Variants in CDR2L observed in about 807,000 individuals in gnomAD.
CDR2L encodes the protein cerebellar degeneration related protein 2 like.
In CDR2L, 19 loss-of-function variants were observed where a neutral mutation model predicts 36.1. The observed-to-expected ratio is 0.53, with a 90% confidence interval of 0.37 to 0.77. The LOEUF is 0.77. CDR2L is among the 30% of genes least tolerant of loss of function. The pLI, the probability that CDR2L is intolerant of heterozygous loss-of-function variation, is 0.00. For missense variants in CDR2L, 575 were observed against 627.2 expected, an observed-to-expected ratio of 0.92 and a Z score of 0.89; for synonymous variants, 285 against 280.4, an observed-to-expected ratio of 1.02 and a Z score of -0.16.
Position 75,004,340 on chromosome 17 carries a change from C to A in CDR2L, c.*266C>A. On this transcript the variant is annotated 3_prime_UTR_variant, in exon 5 of 5. Transcript: ENST00000337231. Reference sequence around the variant, plus strand: ...TGTCCCCACTACCCCAGGGATCCCCCAGCTCCCCCAGCCCCTGGCTTCCTG... The same window carrying A: ...TGTCCCCACTACCCCAGGGATCCCCAAGCTCCCCCAGCCCCTGGCTTCCTG... 2.5e-6 allele frequency: 1 copy of A among 398,776 alleles called. No individual in the cohort carries two copies. 24.7% of individuals were successfully genotyped at this position (398,776 alleles called of 1,614,324 possible). A position where few individuals can be genotyped will look rare whatever the true frequency, so the allele number is the denominator to read the frequency against.
rs1200606614 is a variant in CDR2L at position 75,004,117 on chromosome 17, G to C, written c.*43G>C. On this transcript the variant is annotated 3_prime_UTR_variant, in exon 5 of 5. Coordinates refer to ENST00000337231, the MANE Select transcript of CDR2L (RefSeq NM_014603.3). Reference sequence around the variant, plus strand: ...GCCTCCCCCAGGGTGGAAGCCGTGGGGTCCCTCAGGCCTGGGCGGTGCAGC... The same window carrying C: ...GCCTCCCCCAGGGTGGAAGCCGTGGCGTCCCTCAGGCCTGGGCGGTGCAGC... The C allele has an allele frequency of 6.5e-7, 1 of 1,537,604 alleles. No individual in the cohort carries two copies. Among genetic ancestry groups the C allele is most frequent in the Non-Finnish European group, 8.8e-7 (1 of 1,138,036 alleles).
At chr17:74,992,206 T>G (rs1001063986) in intron 1 of CDR2L, among the ~76,000 whole-genome samples, 5 of 152,148 alleles carry the variant, frequency 3.3e-5, no homozygotes, top group Non-Finnish European at 7.4e-5. Flanking sequence ...GATTTCTAAG[T>G]TTCTTTTCAA....
Position 75,002,055 on chromosome 17 carries a change from C to T in CDR2L, c.342-9C>T, listed in dbSNP as rs189139074. 255 of 1,566,050 alleles carry T rather than the reference C, an allele frequency of 1.6e-4. No individual in the cohort carries two copies. The African/African-American group carries it at 1.8e-3, about 11-fold the overall frequency. On this transcript the variant is annotated splice_polypyrimidine_tract_variant and intron_variant, in intron 3 of 4. Transcript: ENST00000337231. This position sits in a 1 kb window ranked among gnomAD's most constrained non-coding sequence, Gnocchi z 4.1. ...TAAAGTCCCTGTGTGTCCACCACCC[C>T]GCCCCCAGGCTGACGGAGACCATTG... is the stretch of plus-strand genomic sequence containing the variant.
At chr17:74,991,399 C>CT (rs2039795729) in intron 1 of CDR2L, among the ~76,000 whole-genome samples, 1 of 113,756 alleles carries the variant, frequency 8.8e-6, no homozygotes, top group African/African-American at 3.8e-5. Context: ...AGAGCAAACT[C>CT]TGTCTTTAAA....
At chr17:74,993,147 G>C (rs2039806480) in intron 1 of CDR2L, among the ~76,000 whole-genome samples, 1 of 152,156 alleles carries the variant, frequency 6.6e-6, no homozygotes, top group Non-Finnish European at 1.5e-5. Context: ...TTCAGGATGA[G>C]CTAAATTTGA....
intron 3 of CDR2L, 48 bp downstream of exon 3, chr17:75,001,537 G>T (rs1049093037): frequency 6.9e-7 from 1 of 1,455,694 alleles, no homozygotes; most frequent in East Asian, 2.5e-5. Flanking sequence ...AGAGCCCCAG[G>T]GCTGAGTGTA....
In CDR2L at chr17:75,002,878, A is replaced by G. The variant is rs58256759; in HGVS notation, c.507-305A>G. Among the ~76,000 whole-genome samples the G allele has an allele frequency of 9.7e-4, 147 of 152,194 alleles. 1 individual carries two copies. The East Asian group carries it at 0.023, about 24-fold the overall frequency. On this transcript the variant is annotated intron_variant, in intron 4 of 4. Coordinates refer to ENST00000337231, the MANE Select transcript of CDR2L (RefSeq NM_014603.3). The surrounding 1 kb of genome is among the most constrained non-coding windows in gnomAD (Gnocchi z 4.1). ...GTCACCATTAACCATGGAGAGCCCA[A>G]AGAAGACACACCCCACGGCCTCTGC... is the stretch of plus-strand genomic sequence containing the variant.
chr17:74,987,793 A>C lies in CDR2L; in HGVS notation c.-251A>C, dbSNP rs7222918. ...CACTGTCCCACCCGCCGTCCCTGCC[A>C]CTCCACCCTTTGTGTCGCCGCAGCC... On this transcript the variant is annotated 5_prime_UTR_variant, in exon 1 of 5. Coordinates refer to ENST00000337231, the MANE Select transcript of CDR2L (RefSeq NM_014603.3). 214,824 of 216,058 alleles carry C rather than the reference A, an allele frequency of 0.99. 106,808 individuals carry two copies. Among genetic ancestry groups the C allele is most frequent in the East Asian group, 1 (9,150 of 9,152 alleles). The allele number at this position is 216,058 out of a possible 1,614,324, so 13.4% of individuals were successfully genotyped here. A position where few individuals can be genotyped will look rare whatever the true frequency, so the allele number is the denominator to read the frequency against.
chr17:74,997,355 G>A (rs916085930), intron 1 of CDR2L, among the ~76,000 whole-genome samples: 1 of 151,750 alleles, frequency 6.6e-6, no homozygotes, highest in Non-Finnish European at 1.5e-5. Flanking sequence ...CTGGGATTAC[G>A]GCGTGAGCCA....
chr17:75,003,570 C>T lies in CDR2L; in HGVS notation c.894C>T (p.Ala298=). Residue 298 remains alanine, a synonymous_variant, in exon 5 of 5, where the codon GCC becomes GCT. Transcript: ENST00000337231. ...PQPGRGDDLG[A]QDGVSSPAAS... ...CCGGCCGCGGGGACGACTTGGGCGC[C>T]CAGGACGGGGTCTCCTCACCGGCAG... is the stretch of plus-strand genomic sequence containing the variant. 1 of 1,510,942 alleles carries T rather than the reference C, an allele frequency of 6.6e-7. No individual in the cohort carries two copies. Among genetic ancestry groups the T allele is most frequent in the Admixed American group, 2.2e-5 (1 of 45,312 alleles). The allele number at this position is 1,510,942 out of a possible 1,614,324, so 93.6% of individuals were successfully genotyped here.
chr17:74,989,410 AACACACACACACAC>A lies in CDR2L; in HGVS notation c.79+1312_79+1325del, dbSNP rs61110164. Reference sequence around the variant, plus strand: ...CTGAAATGAGATACAGCTCCTCTCAAACACACACACACACACACACACACACACACACACACATC... The same window carrying A: ...CTGAAATGAGATACAGCTCCTCTCAAACACACACACACACACACACACATC... On this transcript the variant is annotated intron_variant, in intron 1 of 4. Transcript: ENST00000337231. The surrounding 1 kb of genome is among the most constrained non-coding windows in gnomAD (Gnocchi z 4.2). 3.1e-5 allele frequency among the ~76,000 whole-genome samples: 4 copies of A among 130,682 alleles called. No homozygotes were observed. Among genetic ancestry groups the A allele is most frequent in the African/African-American group, 1.2e-4 (4 of 33,300 alleles). 85.7% of individuals were successfully genotyped at this position (130,682 alleles called of 152,430 possible). A position where few individuals can be genotyped will look rare whatever the true frequency, so the allele number is the denominator to read the frequency against.
intron 1 of CDR2L, among the ~76,000 whole-genome samples, chr17:74,990,257 G>T (rs2039788802): frequency 6.6e-6 from 1 of 152,168 alleles, no homozygotes; most frequent in South Asian, 2.1e-4. Context: ...GCAGGCCTCT[G>T]CTTCTCTGGC....
At position 75,001,371 on chromosome 17, in the gene CDR2L, C is replaced by A; in HGVS notation, c.223C>A (p.His75Asn). 6.2e-7 allele frequency: 1 copy of A among 1,610,836 alleles called. No homozygotes were observed. Among genetic ancestry groups the A allele is most frequent in the Non-Finnish European group, 8.5e-7 (1 of 1,178,780 alleles). ...YLTKQLDTLR[H>N]VNEQHAKVYE... The stretch of plus-strand genomic sequence containing the variant: ...AACCAAGCAGCTGGACACGCTGCGG[C>A]ACGTGAACGAGCAGCACGCCAAAGT... The change falls in exon 3 of 5, where the codon CAC (histidine) becomes AAC (asparagine). Residue 75 changes from histidine to asparagine, a missense_variant. His to Asn is a moderately conservative substitution (Grantham distance 68, BLOSUM62 1). Transcript: ENST00000337231.
At position 74,989,441 on chromosome 17, in the gene CDR2L, A is replaced by ACG. The variant is rs2039783422; in HGVS notation, c.79+1320_79+1321insGC. Among the ~76,000 whole-genome samples, 1 of 151,564 alleles carries ACG rather than the reference A, an allele frequency of 6.6e-6. No individual in the cohort carries two copies. Among genetic ancestry groups the ACG allele is most frequent in the African/African-American group, 2.4e-5 (1 of 41,176 alleles). ...CACACACACACACACACACACACAC[A>ACG]CACACATCCACACATTGTGACAACC... On this transcript the variant is annotated intron_variant, in intron 1 of 4. Transcript: ENST00000337231. This position sits in a 1 kb window ranked among gnomAD's most constrained non-coding sequence, Gnocchi z 4.2.
At chr17:75,000,783 G>A (rs1483738564) in intron 2 of CDR2L, among the ~76,000 whole-genome samples, 1 of 149,828 alleles carries the variant, frequency 6.7e-6, no homozygotes, top group Non-Finnish European at 1.5e-5. Context: ...GCATGGTGGT[G>A]GGCACCAGTA....
At chr17:74,998,353 GC>G (rs2039843540) in intron 1 of CDR2L, among the ~76,000 whole-genome samples, 1 of 131,396 alleles carries the variant, frequency 7.6e-6, no homozygotes, top group Admixed American at 8.4e-5. Context: ...ATCCCAGGCA[GC>G]CGTATTGCAC....
intron 1 of CDR2L, among the ~76,000 whole-genome samples, chr17:74,997,236 AC>A (rs373280962): frequency 2.7e-4 from 40 of 150,580 alleles, no homozygotes; most frequent in African/African-American, 8.3e-4. Flanking sequence ...GCGCCACCAC[AC>A]CCAGCTAATT....
Position 75,003,453 on chromosome 17 carries a change from G to A in CDR2L, c.777G>A (p.Gln259=). 1.3e-6 allele frequency: 2 copies of A among 1,577,864 alleles called. No individual in the cohort carries two copies. ...TGCTGGAGCTGCAGCAGATGAAGCA[G>A]GCCAAGACCTACCTACTGGGTCCGG... ...AELLELQQMK[Q]AKTYLLGPDD... The change falls in exon 5 of 5, where the codon CAG becomes CAA. Residue 259 remains glutamine, a synonymous_variant. Coordinates refer to ENST00000337231, the MANE Select transcript of CDR2L (RefSeq NM_014603.3).
chr17:74,991,732 G>GAAAA (rs1249545134), intron 1 of CDR2L, among the ~76,000 whole-genome samples: 1 of 151,796 alleles, frequency 6.6e-6, no homozygotes, highest in East Asian at 1.9e-4. Flanking sequence ...AAGAAAAAAA[G>GAAAA]AAAGAAAAAG....
Sources: gnomAD v4.1 joint callset for allele counts (sites outside exome capture counted in the v4.1 genomes callset) on GRCh38, gnomAD v4.1.1 for gene constraint, Gnocchi (gnomAD v3.1) non-coding constraint, MANE v1.5 for transcripts, NCBI Gene and HGNC (gene_info 2026-07-23, HGNC 2026-07-21) for gene names.